The following TRIM71 variants were observed in gnomAD, a reference collection of about 807,000 sequenced individuals.
The protein encoded by TRIM71 is E3 ubiquitin-protein ligase TRIM71.
In TRIM71, 9 loss-of-function variants were observed where a neutral mutation model predicts 61.2. That is an observed-to-expected ratio of 0.15 (90% CI 0.09 to 0.26). TRIM71 has a LOEUF of 0.26. Among genes scored for constraint, TRIM71 ranks in the 10% least tolerant of loss-of-function variants. The pLI, the probability that TRIM71 is intolerant of heterozygous loss-of-function variation, is 1.00. For synonymous variants in TRIM71, 645 were observed against 553.2 expected (o/e 1.17, Z -2.33); for missense variants, 998 against 1,238.7 (o/e 0.81, Z 2.92).
Position 32,818,446 on chromosome 3 carries a change from G to A in TRIM71, c.366G>A (p.Ala122=). ...TCCTGCTTAGCAACCTGCTCGACGC[G>A]GTGGTGGCCACTGCCGACGAGCCGC... ...SAFLLSNLLD[A]VVATADEPPP... Residue 122 remains alanine, a synonymous_variant, in exon 1 of 4, where the codon GCG becomes GCA. Coordinates refer to ENST00000383763, the MANE Select transcript of TRIM71 (RefSeq NM_001039111.3). 1 of 1,466,464 alleles carries A rather than the reference G, an allele frequency of 6.8e-7. No homozygotes were observed. 90.8% of individuals were successfully genotyped at this position (1,466,464 alleles called of 1,614,324 possible).
chr3:32,844,711 C>G (rs1696450795), intron 1 of TRIM71, among the ~76,000 whole-genome samples: 1 of 152,008 alleles, frequency 6.6e-6, no homozygotes, highest in Admixed American at 6.6e-5. Flanking sequence ...GTTTAAGCAG[C>G]CTGTGATAAT....
chr3:32,875,408 G>C (rs1374003575), intron 2 of TRIM71, among the ~76,000 whole-genome samples: 1 of 152,222 alleles, frequency 6.6e-6, no homozygotes, highest in African/African-American at 2.4e-5. Flanking sequence ...AGAAAATTGT[G>C]ACTTTTCCCT....
chr3:32,818,925 A>G lies in TRIM71; in HGVS notation c.845A>G (p.Asp282Gly), dbSNP rs1341019201. ...PERLGFCQHHDDEVLHLYCDT... is the reference protein window; with the variant it reads ...PERLGFCQHHGDEVLHLYCDT... Reference sequence around the variant, plus strand: ...CGCCTCGGCTTCTGCCAGCACCACGACGACGAGGTGAGTGCGTGGGGGCGT... The same window carrying G: ...CGCCTCGGCTTCTGCCAGCACCACGGCGACGAGGTGAGTGCGTGGGGGCGT... The change falls in exon 1 of 4, where the codon GAC (aspartate) becomes GGC (glycine). Residue 282 changes from aspartate (D) to glycine (G), a missense_variant. Coordinates refer to ENST00000383763, the MANE Select transcript of TRIM71 (RefSeq NM_001039111.3). The G allele has an allele frequency of 1.9e-6, 3 of 1,612,030 alleles. No individual in the cohort carries two copies. The highest frequency in any genetic ancestry group is 2.7e-5 in the African/African-American group (2 of 74,846).
intron 1 of TRIM71, among the ~76,000 whole-genome samples, chr3:32,853,241 C>T (rs374617203): frequency 3.9e-5 from 6 of 151,912 alleles, no homozygotes; most frequent in African/African-American, 1.2e-4. Flanking sequence ...CTCAGCCTCC[C>T]GAGTAGCTGG....
At chr3:32,828,942 TC>T (rs2125675374) in intron 1 of TRIM71, among the ~76,000 whole-genome samples, 1 of 152,228 alleles carries the variant, frequency 6.6e-6, no homozygotes, top group South Asian at 2.1e-4. Flanking sequence ...TATGTCAGTC[TC>T]CTAGAGTACT....
rs1559548193 is a variant in TRIM71, at chr3:32,873,060, T to TCCCTCCCTCCCTCC, written c.853-757_853-756insCCTCCCTCCCTCCC. Reference sequence around the variant, plus strand: ...TAAAGGTTGTGCCAGCCCTTCTCTCTCTTCCTCCCTCCCTCCCTCCCTCCC... The same window carrying TCCCTCCCTCCCTCC: ...TAAAGGTTGTGCCAGCCCTTCTCTCTCCCTCCCTCCCTCCCTTCCTCCCTCCCTCCCTCCCTCCC... On this transcript the variant is annotated intron_variant, in intron 1 of 3. Coordinates refer to ENST00000383763, the MANE Select transcript of TRIM71 (RefSeq NM_001039111.3). Among the ~76,000 whole-genome samples, 54 of 96,146 alleles carry TCCCTCCCTCCCTCC rather than the reference T, an allele frequency of 5.6e-4. 1 individual carries two copies. The highest frequency in any genetic ancestry group is 1.6e-3 in the African/African-American group (46 of 28,060). 63.1% of individuals were successfully genotyped at this position (96,146 alleles called of 152,430 possible).
intron 2 of TRIM71, among the ~76,000 whole-genome samples, chr3:32,885,482 A>G (rs1696951208): frequency 6.6e-6 from 1 of 152,160 alleles, no homozygotes; most frequent in African/African-American, 2.4e-5. Flanking sequence ...AGGATGGATT[A>G]GCCACTACCC....
chr3:32,819,368 C>T (rs936804126), intron 1 of TRIM71, among the ~76,000 whole-genome samples: 2 of 152,060 alleles, frequency 1.3e-5, no homozygotes, highest in Admixed American at 6.6e-5. Context: ...TAGATTGTTG[C>T]CTTTAAAATG....
intron 1 of TRIM71, among the ~76,000 whole-genome samples, chr3:32,865,146 G>A (rs575484813): frequency 1.6e-4 from 24 of 152,066 alleles, no homozygotes; most frequent in Non-Finnish European, 3.1e-4. Context: ...TGGCTAACAC[G>A]ATGAAACCCC....
intron 1 of TRIM71, among the ~76,000 whole-genome samples, chr3:32,855,529 C>G (rs1299758118): frequency 1.3e-5 from 2 of 152,116 alleles, no homozygotes; most frequent in Non-Finnish European, 2.9e-5. Context: ...TGTCTCTAGC[C>G]CTCCTCTTTT....
chr3:32,897,594 A>G lies in TRIM71; in HGVS notation c.*5783A>G, dbSNP rs1305624383. 1 of 152,202 alleles carries G rather than the reference A, an allele frequency of 6.6e-6. No homozygotes were observed. The highest frequency in any genetic ancestry group is 2.4e-5 in the African/African-American group (1 of 41,442). The allele number at this position is 152,202 out of a possible 1,614,324, so 9.4% of individuals were successfully genotyped here. The stretch of plus-strand genomic sequence containing the variant: ...TTGCAGGCCGCAGGCATGACAGGCA[A>G]TGAGCAGGTGAAGAACCAATGGAAA... On this transcript the variant is annotated 3_prime_UTR_variant, in exon 4 of 4. Transcript: ENST00000383763.
At chr3:32,852,765 A>C in intron 1 of TRIM71, among the ~76,000 whole-genome samples, 1 of 139,794 alleles carries the variant, frequency 7.2e-6, no homozygotes, top group African/African-American at 2.9e-5. Flanking sequence ...CTTTTAAAAA[A>C]AAAAAAAAAC....
intron 2 of TRIM71, among the ~76,000 whole-genome samples, chr3:32,876,040 T>C (rs947595284): frequency 2.0e-5 from 3 of 152,192 alleles, no homozygotes; most frequent in African/African-American, 7.2e-5. Context: ...AATCCTGTTA[T>C]TGTTATGCCA....
chr3:32,890,476 G>A lies in TRIM71; in HGVS notation c.1272G>A (p.Glu424=). Residue 424 remains glutamate, a synonymous_variant, in exon 4 of 4, where the codon GAG becomes GAA. Transcript: ENST00000383763. The surrounding 1 kb of genome is among the most constrained non-coding windows in gnomAD (Gnocchi z 6.2). ...GTGCCGTGCAGCAGGTCCTGGAGGA[G>A]GGTAGAGCGCTAGACATCCTACTGG... ...TISAVQQVLE[E]GRALDILLAR... The A allele has an allele frequency of 6.2e-7, 1 of 1,614,212 alleles. No homozygotes were observed. The highest frequency in any genetic ancestry group is 8.5e-7 in the Non-Finnish European group (1 of 1,180,048).
At chr3:32,853,038 T>C (rs1696556372) in intron 1 of TRIM71, among the ~76,000 whole-genome samples, 1 of 152,058 alleles carries the variant, frequency 6.6e-6, no homozygotes, top group Non-Finnish European at 1.5e-5. Flanking sequence ...TTTTCACAAA[T>C]AGTAAATATA....
intron 1 of TRIM71, among the ~76,000 whole-genome samples, chr3:32,866,324 C>G (rs184539398): frequency 1.3e-5 from 2 of 152,162 alleles, no homozygotes; most frequent in Admixed American, 1.3e-4. Flanking sequence ...TCTCGCCTCA[C>G]TGCAATCTCT....
intron 1 of TRIM71, among the ~76,000 whole-genome samples, chr3:32,839,822 C>G (rs866851248): frequency 2.0e-5 from 3 of 151,986 alleles, no homozygotes; most frequent in Non-Finnish European, 4.4e-5. Context: ...AGGTGGGGTG[C>G]TGCCCGGGGA....
intron 1 of TRIM71, among the ~76,000 whole-genome samples, chr3:32,871,509 C>T (rs1559547829): frequency 6.6e-6 from 1 of 152,134 alleles, no homozygotes; most frequent in South Asian, 2.1e-4. Flanking sequence ...TAGGAGTGAT[C>T]CCTTCATTCC....
At chr3:32,874,324 T>TGCTTATTACTACTACTAC (rs1696830439) in intron 2 of TRIM71, among the ~76,000 whole-genome samples, 2 of 121,486 alleles carry the variant, frequency 1.6e-5, no homozygotes, top group African/African-American at 7.7e-5. Context: ...TTAATGCTTA[T>TGCTTATTACTACTACTAC]TACTACTACT....
Sources: allele counts gnomAD v4.1 joint callset (sites outside exome capture counted in the v4.1 genomes callset), GRCh38; gene constraint gnomAD v4.1.1; non-coding constraint Gnocchi (gnomAD v3.1); transcripts MANE v1.5; gene names NCBI Gene and HGNC (gene_info 2026-07-23, HGNC 2026-07-21).